The following TACC2 variants were observed in gnomAD, a reference collection of about 807,000 sequenced individuals.
The protein encoded by TACC2 is transforming acidic coiled-coil-containing protein 2.
In TACC2, 137 loss-of-function variants were observed where a neutral mutation model predicts 227.3. That is an observed-to-expected ratio of 0.60 (90% confidence interval 0.52 to 0.69). TACC2 has a LOEUF of 0.69. Ranked by LOEUF, TACC2 falls within the 30% of genes least tolerant of loss-of-function variation. TACC2 has a pLI of 0.00. For missense variants in TACC2, 3,470 were observed against 3,694.4 expected, an observed-to-expected ratio of 0.94 and a Z score of 1.57; for synonymous variants, 1,523 against 1,487.5, an observed-to-expected ratio of 1.02 and a Z score of -0.55.
chr10:121,995,340 T>C (rs2134898947), intron 1 of TACC2, among the ~76,000 whole-genome samples: 1 of 152,346 alleles, frequency 6.6e-6, no homozygotes, highest in East Asian at 1.9e-4. Flanking sequence ...CTAAGCCTCA[T>C]GAGAGAATCC....
At chr10:122,233,999 G>A (rs1448872672) in intron 16 of TACC2, among the ~76,000 whole-genome samples, 2 of 152,196 alleles carry the variant, frequency 1.3e-5, no homozygotes, top group African/African-American at 4.8e-5. Flanking sequence ...CCAGGCCTGT[G>A]TCCATGCACC....
At chr10:122,109,363 T>C (rs1197955357) in intron 5 of TACC2, among the ~76,000 whole-genome samples, 2 of 152,212 alleles carry the variant, frequency 1.3e-5, no homozygotes, top group African/African-American at 4.8e-5. Context: ...TGCATTTCCC[T>C]GATAAAATGC....
intron 5 of TACC2, among the ~76,000 whole-genome samples, chr10:122,110,539 G>GGCTGTGTAGGTCCTACATTC (rs1188977248): frequency 6.6e-6 from 1 of 152,146 alleles, no homozygotes; most frequent in Admixed American, 6.6e-5. Context: ...GGTCCTACAT[G>GGCTGTGTAGGTCCTACATTC]GGACTATGGC....
At chr10:121,992,166 CTG>C (rs1438854085) in intron 1 of TACC2, among the ~76,000 whole-genome samples, 1 of 152,158 alleles carries the variant, frequency 6.6e-6, no homozygotes, top group East Asian at 1.9e-4. Flanking sequence ...TACTAAAAAA[CTG>C]TTCCCAGATC....
At chr10:122,119,711 C>A (rs558365095) in intron 5 of TACC2, among the ~76,000 whole-genome samples, 1 of 152,122 alleles carries the variant, frequency 6.6e-6, no homozygotes, top group Non-Finnish European at 1.5e-5. Context: ...GTCAGGAGTT[C>A]AAGACCAGCC....
chr10:122,160,624 A>C (rs1301506720), intron 7 of TACC2, among the ~76,000 whole-genome samples: 1 of 151,830 alleles, frequency 6.6e-6, no homozygotes, highest in African/African-American at 2.4e-5. Context: ...AATTCTAATT[A>C]CCTCCCAAAA....
chr10:122,094,630 G>A (rs918687619), intron 5 of TACC2, among the ~76,000 whole-genome samples: 4 of 152,160 alleles, frequency 2.6e-5, no homozygotes, highest in African/African-American at 4.8e-5. Context: ...CACAAAGGGC[G>A]GCTGCCTCCT....
chr10:122,066,949 C>T (rs1343764303), intron 3 of TACC2, among the ~76,000 whole-genome samples: 1 of 152,172 alleles, frequency 6.6e-6, no homozygotes, highest in Non-Finnish European at 1.5e-5. Context: ...TTAGAAGAGG[C>T]TTACAACAAT....
At chr10:122,249,876 C>T (rs948628679) in intron 22 of TACC2, among the ~76,000 whole-genome samples, 1 of 152,242 alleles carries the variant, frequency 6.6e-6, no homozygotes, top group African/African-American at 2.4e-5. Context: ...GGAACTGCAG[C>T]CTGCATGTGT....
At chr10:122,233,896 G>A (rs1282296694) in intron 16 of TACC2, among the ~76,000 whole-genome samples, 1 of 152,212 alleles carries the variant, frequency 6.6e-6, no homozygotes, top group African/African-American at 2.4e-5. Flanking sequence ...TGGGCTTGGG[G>A]ACTGCCTGTG....
At chr10:122,242,548 A>G (rs1438080675) in intron 19 of TACC2, among the ~76,000 whole-genome samples, 1 of 152,028 alleles carries the variant, frequency 6.6e-6, no homozygotes, top group Non-Finnish European at 1.5e-5. Context: ...CCTTCTTAAC[A>G]CGGCGTCCCT....
chr10:122,113,983 C>A (rs2138129586), intron 5 of TACC2, among the ~76,000 whole-genome samples: 1 of 152,378 alleles, frequency 6.6e-6, no homozygotes, highest in South Asian at 2.1e-4. Context: ...CTGGTCTTTT[C>A]TTAAAATGGC....
rs546105754 is a variant in TACC2, at chr10:122,129,052, C to A, written c.5574-3557C>A. Among the ~76,000 whole-genome samples, 67 of 91,584 alleles carry A rather than the reference C, an allele frequency of 7.3e-4. No homozygotes were observed. The South Asian group carries it at 0.017, about 24-fold the overall frequency. The allele number at this position is 91,584 out of a possible 152,430, so 60.1% of individuals were successfully genotyped here. The stretch of plus-strand genomic sequence containing the variant: ...TGCATCTAGATACATGAAGATCTAT[C>A]TTATTTTAATTATTATTATTATTAT... On this transcript the variant is annotated intron_variant, in intron 5 of 22. Transcript: ENST00000369005.
At chr10:122,117,331 C>G (rs1289135733) in intron 5 of TACC2, among the ~76,000 whole-genome samples, 11 of 151,820 alleles carry the variant, frequency 7.2e-5, no homozygotes, top group African/African-American at 2.7e-4. Flanking sequence ...GCAGCTGGGA[C>G]TACAGGTGTG....
In TACC2 at chr10:122,050,309, C is replaced by T. The variant is rs746000559; in HGVS notation, c.34-129C>T. 2.3e-5 allele frequency: 16 copies of T among 703,708 alleles called. No homozygotes were observed. The highest frequency in any genetic ancestry group is 3.0e-5 in the Non-Finnish European group (12 of 405,352). 43.6% of individuals were successfully genotyped at this position (703,708 alleles called of 1,614,324 possible). A position where few individuals can be genotyped will look rare whatever the true frequency, so the allele number is the denominator to read the frequency against. On this transcript the variant is annotated intron_variant, in intron 2 of 22. Transcript: ENST00000369005. The surrounding 1 kb of genome is among the most constrained non-coding windows in gnomAD (Gnocchi z 4.6). The stretch of plus-strand genomic sequence containing the variant: ...TCAGTGCCGCACATAGTAGGTGTTT[C>T]GTTGGACGGCAGAGCAAGTGAACAA...
At chr10:122,080,145 C>T (rs2079281496) in intron 3 of TACC2, among the ~76,000 whole-genome samples, 1 of 151,878 alleles carries the variant, frequency 6.6e-6, no homozygotes. Context: ...GCAGAAGACA[C>T]CTGCTTTTGA....
chr10:122,093,744 TG>T (rs2081077922), intron 5 of TACC2, among the ~76,000 whole-genome samples: 1 of 152,200 alleles, frequency 6.6e-6, no homozygotes, highest in Non-Finnish European at 1.5e-5. Flanking sequence ...CTTTTAGGAT[TG>T]GGGTTAGGAT....
intron 5 of TACC2, among the ~76,000 whole-genome samples, chr10:122,129,645 C>A (rs990908171): frequency 3.9e-5 from 6 of 152,166 alleles, no homozygotes; most frequent in Non-Finnish European, 7.3e-5. Context: ...TTGGAAAGTG[C>A]CCCTGTAGTT....
intron 7 of TACC2, among the ~76,000 whole-genome samples, chr10:122,153,729 T>C (rs1043452719): frequency 6.6e-6 from 1 of 152,198 alleles, no homozygotes; most frequent in African/African-American, 2.4e-5. Context: ...GCACCCTCGA[T>C]GTTATGGAAG....
Sources: allele counts gnomAD v4.1 joint callset (sites outside exome capture counted in the v4.1 genomes callset), GRCh38; gene constraint gnomAD v4.1.1; non-coding constraint Gnocchi (gnomAD v3.1); transcripts MANE v1.5; gene names NCBI Gene and HGNC (gene_info 2026-07-23, HGNC 2026-07-21).